MYO5B: variants seen among roughly 807,000 people sequenced by gnomAD.
MYO5B encodes the protein unconventional myosin-Vb.
A neutral mutation model predicts 229.3 loss-of-function variants in MYO5B; 143 were observed. That is an observed-to-expected ratio of 0.62 (90% CI 0.54 to 0.72). The LOEUF (loss-of-function observed/expected upper bound fraction) is 0.72. MYO5B is among the 30% of genes least tolerant of loss of function. The pLI, the probability that MYO5B is intolerant of heterozygous loss-of-function variation, is 0.00. For synonymous variants in MYO5B, 918 were observed against 885.2 expected, an observed-to-expected ratio of 1.04 and a Z score of -0.66; for missense variants, 2,321 against 2,331.0, an observed-to-expected ratio of 1.00 and a Z score of 0.09.
chr18:50,194,965 C>CCGGCGGCGCGACCTTTACTCCCGCCG lies in MYO5B; in HGVS notation c.-198_-173dup, dbSNP rs1312532964. On this transcript the variant is annotated 5_prime_UTR_variant, in exon 1 of 40. Coordinates refer to ENST00000285039, the MANE Select transcript of MYO5B (RefSeq NM_001080467.3). ...CGCAGGCGCCGCGGCCGGCTCGCTC[C>CCGGCGGCGCGACCTTTACTCCCGCCG]CGGCGGCGCGACCTTTACTCCCGCC... 3 of 1,003,194 alleles carry CCGGCGGCGCGACCTTTACTCCCGCCG rather than the reference C, an allele frequency of 3.0e-6. No individual in the cohort carries two copies. The African/African-American group carries it at 5.1e-5, about 17-fold the overall frequency. 62.1% of individuals were successfully genotyped at this position (1,003,194 alleles called of 1,614,324 possible).
intron 2 of MYO5B, among the ~76,000 whole-genome samples, chr18:50,051,762 A>G (rs1490011959): frequency 6.6e-6 from 1 of 152,224 alleles, no homozygotes; most frequent in Non-Finnish European, 1.5e-5. Flanking sequence ...GCCAGGTGAA[A>G]TAAGCCAGAC....
chr18:49,988,627 T>C (rs553200018), intron 7 of MYO5B, among the ~76,000 whole-genome samples: 1 of 152,330 alleles, frequency 6.6e-6, no homozygotes, highest in East Asian at 1.9e-4. Context: ...TATTTGTTTA[T>C]TTTCTATAAA....
chr18:50,127,535 AG>A (rs2032184729), intron 1 of MYO5B, among the ~76,000 whole-genome samples: 1 of 152,180 alleles, frequency 6.6e-6, no homozygotes, highest in South Asian at 2.1e-4. Flanking sequence ...AGAACAATGG[AG>A]GGGCAGGTAC....
chr18:50,093,742 A>G (rs1166543400), intron 1 of MYO5B, among the ~76,000 whole-genome samples: 2 of 152,014 alleles, frequency 1.3e-5, no homozygotes, highest in Admixed American at 6.6e-5. Flanking sequence ...CGCTCATTAA[A>G]CACTAATTAT....
chr18:50,137,995 G>A (rs1017580514), intron 1 of MYO5B, among the ~76,000 whole-genome samples: 5 of 152,316 alleles, frequency 3.3e-5, no homozygotes, highest in Non-Finnish European at 5.9e-5. Flanking sequence ...GACGATGGGA[G>A]AAGGGAGAGG....
intron 12 of MYO5B, among the ~76,000 whole-genome samples, chr18:49,958,967 T>G (rs992744387): frequency 6.6e-6 from 1 of 152,226 alleles, no homozygotes; most frequent in Non-Finnish European, 1.5e-5. Flanking sequence ...CCCTGTGGGC[T>G]GATACCTTGA....
intron 5 of MYO5B, among the ~76,000 whole-genome samples, chr18:49,997,890 G>C (rs1458749172): frequency 6.6e-6 from 1 of 152,166 alleles, no homozygotes; most frequent in Non-Finnish European, 1.5e-5. Context: ...GCTTTGTTGG[G>C]AGGTGCCATC....
chr18:49,879,169 T>C (rs1218984951), intron 23 of MYO5B, 79 bp from the exon 24 acceptor site: 1 of 1,583,950 alleles, frequency 6.3e-7, no homozygotes, highest in Non-Finnish European at 8.7e-7. Context: ...CCGATTAATC[T>C]CTTGTTAAGA....
intron 2 of MYO5B, among the ~76,000 whole-genome samples, chr18:50,043,503 A>AT (rs2030120022): frequency 4.2e-5 from 5 of 119,988 alleles, no homozygotes; most frequent in African/African-American, 1.7e-4. Flanking sequence ...ATATATAAAT[A>AT]TAAATATATT....
intron 4 of MYO5B, among the ~76,000 whole-genome samples, chr18:50,003,259 G>GA (rs1358707080): frequency 2.6e-5 from 4 of 152,046 alleles, no homozygotes; most frequent in East Asian, 1.9e-4. Flanking sequence ...AGACAAAACC[G>GA]AAAAAAATGT....
chr18:49,911,327 G>A (rs1403559938), intron 18 of MYO5B, among the ~76,000 whole-genome samples: 1 of 152,204 alleles, frequency 6.6e-6, no homozygotes, highest in East Asian at 1.9e-4. Context: ...CAGTCAGGCT[G>A]GTGGGAAAAA....
chr18:49,936,027 A>G (rs921575854), intron 16 of MYO5B, among the ~76,000 whole-genome samples: 4 of 152,210 alleles, frequency 2.6e-5, no homozygotes, highest in Non-Finnish European at 5.9e-5. Context: ...GACCACCACT[A>G]TACGGGGAAC....
intron 1 of MYO5B, among the ~76,000 whole-genome samples, chr18:50,083,007 C>T (rs184836453): frequency 1.3e-5 from 2 of 152,350 alleles, no homozygotes; most frequent in East Asian, 3.9e-4. Flanking sequence ...AGTGCCAAGT[C>T]TAAGGTTCCC....
chr18:49,989,961 C>A (rs950488552), intron 7 of MYO5B, among the ~76,000 whole-genome samples: 1 of 152,156 alleles, frequency 6.6e-6, no homozygotes, highest in African/African-American at 2.4e-5. Context: ...TGTGGCCATG[C>A]CATACTGCAT....
intron 1 of MYO5B, among the ~76,000 whole-genome samples, chr18:50,098,144 T>C (rs2031588833): frequency 6.6e-6 from 1 of 152,216 alleles, no homozygotes; most frequent in Admixed American, 6.5e-5. Flanking sequence ...TACTCCACAA[T>C]ATAACTTGCT....
intron 17 of MYO5B, among the ~76,000 whole-genome samples, chr18:49,922,095 C>G (rs868730108): frequency 6.6e-6 from 1 of 152,184 alleles, no homozygotes; most frequent in Non-Finnish European, 1.5e-5. Flanking sequence ...ACTCAGGTCC[C>G]TCTGGTCCTA....
chr18:49,894,751 C>T (rs1461950485), intron 22 of MYO5B, among the ~76,000 whole-genome samples, 190 bp downstream of exon 22: 2 of 152,262 alleles, frequency 1.3e-5, no homozygotes, highest in Non-Finnish European at 2.9e-5. Context: ...AGCAGAAGCG[C>T]AGTCATGCTT....
chr18:50,098,386 T>C (rs1453990717), intron 1 of MYO5B, among the ~76,000 whole-genome samples: 1 of 152,238 alleles, frequency 6.6e-6, no homozygotes, highest in East Asian at 1.9e-4. Context: ...TGGATTCCAA[T>C]GAAGTTATAA....
At chr18:49,914,867 G>A (rs1481312923) in intron 17 of MYO5B, among the ~76,000 whole-genome samples, 1 of 152,094 alleles carries the variant, frequency 6.6e-6, no homozygotes, top group Non-Finnish European at 1.5e-5. Context: ...GCAGCATGGT[G>A]GGCAGTACGG....
Sources: gnomAD v4.1 joint callset for allele counts (sites outside exome capture counted in the v4.1 genomes callset) on GRCh38, gnomAD v4.1.1 for gene constraint, MANE v1.5 for transcripts, NCBI Gene and HGNC (gene_info 2026-07-23, HGNC 2026-07-21) for gene names.